Variants in NBEA observed in about 807,000 individuals in gnomAD.
NBEA encodes the protein lysosomal-trafficking regulator 2.
A neutral mutation model predicts 343.4 loss-of-function variants in NBEA; 44 were observed. That is an observed-to-expected ratio of 0.13 (90% CI 0.10 to 0.16). NBEA has a LOEUF of 0.16. Among genes scored for constraint, NBEA ranks in the 10% least tolerant of loss-of-function variants. NBEA has a pLI of 1.00. For missense variants in NBEA, 2,555 were observed against 3,631.3 expected, an observed-to-expected ratio of 0.70 and a Z score of 7.62; for synonymous variants, 1,175 against 1,238.7, an observed-to-expected ratio of 0.95 and a Z score of 1.08.
chr13:35,142,072 A>G (rs147157377), intron 17 of NBEA, among the ~76,000 whole-genome samples, 197 bp from the exon 18 acceptor site: 4 of 152,356 alleles, frequency 2.6e-5, no homozygotes, highest in Non-Finnish European at 5.9e-5. Flanking sequence ...TTTATTTGAA[A>G]AGTTTTTAAC....
chr13:34,973,397 G>T (rs552278980), intron 1 of NBEA, among the ~76,000 whole-genome samples: 2 of 152,180 alleles, frequency 1.3e-5, no homozygotes, highest in South Asian at 2.1e-4. Flanking sequence ...GGCTAGAATG[G>T]CTAAGTTGCC....
chr13:35,119,082 A>G (rs557092047), intron 16 of NBEA, among the ~76,000 whole-genome samples: 1 of 152,320 alleles, frequency 6.6e-6, no homozygotes, highest in South Asian at 2.1e-4. Context: ...TAGAGATGAA[A>G]GATGTTTTGG....
intron 1 of NBEA, among the ~76,000 whole-genome samples, chr13:34,959,375 G>A (rs561020455): frequency 6.6e-6 from 1 of 152,124 alleles, no homozygotes; most frequent in East Asian, 1.9e-4. Flanking sequence ...GGTGGGATTG[G>A]AGGTGCAGTC....
At chr13:34,963,089 A>G (rs2059709614) in intron 1 of NBEA, among the ~76,000 whole-genome samples, 2 of 152,048 alleles carry the variant, frequency 1.3e-5, no homozygotes, top group African/African-American at 4.8e-5. Flanking sequence ...TTTCTAGTCT[A>G]GCAATGATCT....
chr13:35,641,738 A>G (rs1281972291), intron 49 of NBEA, among the ~76,000 whole-genome samples: 2 of 152,100 alleles, frequency 1.3e-5, no homozygotes, highest in Non-Finnish European at 2.9e-5. Flanking sequence ...TCTCTCATGT[A>G]CCCACCACCC....
At chr13:35,566,856 C>A in intron 44 of NBEA, 49 bp from the exon 45 acceptor site, 1 of 991,270 alleles carries the variant, frequency 1.0e-6, no homozygotes, top group Non-Finnish European at 1.5e-6. Context: ...GAAACTATTT[C>A]ATAAGCATTT....
Position 35,529,689 on chromosome 13 carries a change from T to C in NBEA, c.6586-20788T>C, listed in dbSNP as rs577160296. On this transcript the variant is annotated intron_variant, in intron 41 of 58. Transcript: ENST00000379939. ...AGTTATTTCATTAGAATGTGGTTTTTATTACAACCTTTCACTCTTTAGTCC... is the reference window on the plus strand; with the variant it reads ...AGTTATTTCATTAGAATGTGGTTTTCATTACAACCTTTCACTCTTTAGTCC... Among the ~76,000 whole-genome samples, 46 of 152,364 alleles carry C rather than the reference T, an allele frequency of 3.0e-4. No homozygotes were observed. In the South Asian group the frequency reaches 9.5e-3, roughly 32 times the overall value.
chr13:35,107,061 A>G (rs2065955351), intron 11 of NBEA, among the ~76,000 whole-genome samples: 1 of 151,898 alleles, frequency 6.6e-6, no homozygotes, highest in South Asian at 2.1e-4. Flanking sequence ...TGTTCTTGAA[A>G]TCATTACTAC....
intron 10 of NBEA, among the ~76,000 whole-genome samples, chr13:35,086,749 G>A (rs1008586354): frequency 2.6e-5 from 4 of 151,814 alleles, no homozygotes; most frequent in African/African-American, 9.7e-5. Flanking sequence ...TTTCCATAGT[G>A]GTTGTATTAA....
intron 51 of NBEA, 136 bp from the exon 52 acceptor site, chr13:35,649,519 T>C: frequency 1.4e-6 from 1 of 702,194 alleles, no homozygotes; most frequent in Non-Finnish European, 2.4e-6. Flanking sequence ...TTCACCAGTA[T>C]GAAAGTTTAG....
At chr13:35,468,737 A>G (rs1313927947) in intron 40 of NBEA, among the ~76,000 whole-genome samples, 1 of 152,098 alleles carries the variant, frequency 6.6e-6, no homozygotes, top group African/African-American at 2.4e-5. Context: ...GTCTTTGGCA[A>G]GAAAGCATTG....
At chr13:35,242,827 G>A (rs983631351) in intron 34 of NBEA, among the ~76,000 whole-genome samples, 17 of 151,724 alleles carry the variant, frequency 1.1e-4, no homozygotes, top group African/African-American at 4.1e-4. Context: ...AAAAATGGAG[G>A]AGAAATTAAG....
chr13:35,163,442 T>C (rs2152714723), intron 23 of NBEA, among the ~76,000 whole-genome samples: 1 of 152,012 alleles, frequency 6.6e-6, no homozygotes, highest in Admixed American at 6.6e-5. Context: ...TAGCTGGAGC[T>C]CAGGAGTTCG....
chr13:35,209,871 T>C (rs2073648815), intron 32 of NBEA, among the ~76,000 whole-genome samples: 1 of 152,080 alleles, frequency 6.6e-6, no homozygotes, highest in Non-Finnish European at 1.5e-5. Flanking sequence ...ATTAATGGCA[T>C]TGTGTCAAAG....
At chr13:35,405,978 A>C (rs2043247516) in intron 38 of NBEA, among the ~76,000 whole-genome samples, 1 of 152,128 alleles carries the variant, frequency 6.6e-6, no homozygotes, top group Non-Finnish European at 1.5e-5. Context: ...AAAGAAAAAG[A>C]GTGTATAAGA....
intron 34 of NBEA, among the ~76,000 whole-genome samples, chr13:35,239,017 A>C (rs2152776508): frequency 6.6e-6 from 1 of 152,256 alleles, no homozygotes; most frequent in African/African-American, 2.4e-5. Flanking sequence ...TTTATTTAAA[A>C]ATTATAGACT....
intron 38 of NBEA, among the ~76,000 whole-genome samples, chr13:35,388,484 G>T (rs964127880): frequency 2.0e-5 from 3 of 152,056 alleles, no homozygotes; most frequent in African/African-American, 7.2e-5. Context: ...TTTTGACAAA[G>T]ATATTTAATA....
chr13:35,633,016 G>GAAAA (rs35343385), intron 49 of NBEA, among the ~76,000 whole-genome samples: 53 of 117,394 alleles, frequency 4.5e-4, no homozygotes, highest in African/African-American at 1.4e-3. Flanking sequence ...GTCTTATTTT[G>GAAAA]AAAAAAAAAA....
intron 34 of NBEA, among the ~76,000 whole-genome samples, chr13:35,243,199 GT>G (rs1187510340): frequency 6.6e-6 from 1 of 151,742 alleles, no homozygotes; most frequent in African/African-American, 2.4e-5. Flanking sequence ...AAGTTGTTCA[GT>G]TTAAAATGAA....
Sources: allele counts gnomAD v4.1 joint callset (sites outside exome capture counted in the v4.1 genomes callset), GRCh38; gene constraint gnomAD v4.1.1; transcripts MANE v1.5; gene names NCBI Gene and HGNC (gene_info 2026-07-23, HGNC 2026-07-21).